Variants in RIMKLB observed in about 807,000 individuals in gnomAD.
The protein encoded by RIMKLB is ribosomal modification protein rimK like family member B.
In RIMKLB, 7 loss-of-function variants were observed where a neutral mutation model predicts 32.0. The observed-to-expected ratio is 0.22, with a 90% CI of 0.12 to 0.41. The LOEUF (loss-of-function observed/expected upper bound fraction) is 0.41. Ranked by LOEUF, RIMKLB falls within the 10% of genes least tolerant of loss-of-function variation. The probability of loss-of-function intolerance (pLI) is 1.00; values close to 1 mark genes in which losing one functional copy is unlikely to be tolerated. For missense variants in RIMKLB, 289 were observed against 498.7 expected (o/e 0.58, Z 4.00); for synonymous variants, 172 against 185.1 (o/e 0.93, Z 0.57).
the RIMKLB span, among the ~76,000 whole-genome samples, chr12:8,674,376 C>A: frequency 6.6e-6 from 1 of 150,558 alleles, no homozygotes; most frequent in African/African-American, 2.5e-5. Context: ...GTAGCTGGGA[C>A]TACAAGTGCC....
chr12:8,753,075 A>G (rs774324559), intron 4 of RIMKLB, among the ~76,000 whole-genome samples: 3 of 152,300 alleles, frequency 2.0e-5, no homozygotes, highest in African/African-American at 7.2e-5. Context: ...ATAAAATGAT[A>G]TATCAGTCTG....
intron 5 of RIMKLB, among the ~76,000 whole-genome samples, chr12:8,763,570 G>C (rs1347286335): frequency 6.6e-6 from 1 of 152,188 alleles, no homozygotes; most frequent in Non-Finnish European, 1.5e-5. Context: ...TACGTTCCTC[G>C]CTGAGCGCCT....
chr12:8,701,086 G>A (rs1943352618), intron 1 of RIMKLB, among the ~76,000 whole-genome samples: 1 of 151,966 alleles, frequency 6.6e-6, no homozygotes, highest in South Asian at 2.1e-4. Context: ...AAAAGAAACT[G>A]TAATACGTTA....
In RIMKLB at chr12:8,773,961, C is replaced by T; in HGVS notation, c.*177C>T. The T allele has an allele frequency of 1.4e-6, 2 of 1,401,080 alleles. No homozygotes were observed. The highest frequency in any genetic ancestry group is 1.8e-6 in the Non-Finnish European group (2 of 1,081,440). The allele number at this position is 1,401,080 out of a possible 1,614,324, so 86.8% of individuals were successfully genotyped here. ...ACCTCTGCTAGTAAGATGTTACTTT[C>T]ATTTACAAATCCTACAAATAGAGAG... On this transcript the variant is annotated 3_prime_UTR_variant, in exon 6 of 6. Transcript: ENST00000535829.
intron 2 of RIMKLB, among the ~76,000 whole-genome samples, chr12:8,727,308 C>T (rs1419861983): frequency 1.3e-5 from 2 of 152,204 alleles, no homozygotes; most frequent in Non-Finnish European, 2.9e-5. Flanking sequence ...GATCTTGGCT[C>T]ACTGCAACCT....
chr12:8,724,404 T>C (rs751536804), intron 2 of RIMKLB, among the ~76,000 whole-genome samples: 59 of 152,358 alleles, frequency 3.9e-4, no homozygotes, highest in African/African-American at 1.4e-3. Context: ...TCATTTACTT[T>C]TGCAGTATGT....
At chr12:8,704,225 A>T (rs1307807757) in intron 1 of RIMKLB, among the ~76,000 whole-genome samples, 1 of 152,134 alleles carries the variant, frequency 6.6e-6, no homozygotes, top group Non-Finnish European at 1.5e-5. Context: ...CTACCAAAAA[A>T]TACAAAAATT....
At chr12:8,675,418 T>G in the RIMKLB span, among the ~76,000 whole-genome samples, 8 of 152,218 alleles carry the variant, frequency 5.3e-5, no homozygotes, top group Non-Finnish European at 1.2e-4. Flanking sequence ...TTCAAGGTTT[T>G]GGCCCGGCCA....
At chr12:8,718,673 G>A (rs974035302) in intron 2 of RIMKLB, among the ~76,000 whole-genome samples, 44 of 81,278 alleles carry the variant, frequency 5.4e-4, no homozygotes, top group South Asian at 8.4e-4. Context: ...ATATATATGT[G>A]TGTGTGTGTG....
intron 2 of RIMKLB, among the ~76,000 whole-genome samples, chr12:8,723,785 A>G (rs1464117941): frequency 7.0e-6 from 1 of 143,010 alleles, no homozygotes; most frequent in Non-Finnish European, 1.5e-5. Context: ...TGTAATTCTC[A>G]TAGGCTTTCT....
rs1239471931 is a variant in RIMKLB at position 8,773,332 on chromosome 12, A to T, written c.709A>T (p.Met237Leu). Residue 237 changes from methionine (M) to leucine (L), a missense_variant, in exon 6 of 6, where the codon ATG becomes TTG. This residue lies in a region of RIMKLB where 156 missense variants were observed against 329.5 expected (regional missense o/e 0.47). Coordinates refer to ENST00000535829, the MANE Select transcript of RIMKLB (RefSeq NM_001297776.2). ...QSNCSLGGVG[M>L]MCSLSEQGKQ... Reference sequence around the variant, plus strand: ...GTTTCTTTTGCCAGGTGGTGTGGGGATGATGTGCTCATTGAGTGAACAAGG... The same window carrying T: ...GTTTCTTTTGCCAGGTGGTGTGGGGTTGATGTGCTCATTGAGTGAACAAGG... 15 of 1,610,288 alleles carry T rather than the reference A, an allele frequency of 9.3e-6. No individual in the cohort carries two copies. The highest frequency in any genetic ancestry group is 1.3e-5 in the Non-Finnish European group (15 of 1,176,712).
chr12:8,747,804 G>A (rs1050660104), intron 2 of RIMKLB, among the ~76,000 whole-genome samples: 2 of 150,856 alleles, frequency 1.3e-5, no homozygotes, highest in Admixed American at 1.3e-4. Flanking sequence ...TGTCCAGGCT[G>A]GAGTGCAGTG....
intron 2 of RIMKLB, among the ~76,000 whole-genome samples, chr12:8,741,398 G>T (rs1215055716): frequency 2.7e-5 from 4 of 149,448 alleles, no homozygotes; most frequent in Non-Finnish European, 4.4e-5. Context: ...AGGAGAATCA[G>T]TTCTTCAATT....
chr12:8,686,159 C>G (rs1942565033), intron 1 of RIMKLB, among the ~76,000 whole-genome samples: 1 of 152,094 alleles, frequency 6.6e-6, no homozygotes, highest in Non-Finnish European at 1.5e-5. Flanking sequence ...CTAGGCTGCT[C>G]TCGAACTCCT....
intron 2 of RIMKLB, among the ~76,000 whole-genome samples, chr12:8,743,449 G>GC (rs1308751343): frequency 6.6e-6 from 1 of 151,452 alleles, no homozygotes; most frequent in Non-Finnish European, 1.5e-5. Flanking sequence ...AAGGAAGGAG[G>GC]CTGCCATTTG....
chr12:8,709,542 A>G (rs2136881222), intron 1 of RIMKLB, among the ~76,000 whole-genome samples: 2 of 152,368 alleles, frequency 1.3e-5, no homozygotes, highest in South Asian at 4.1e-4. Flanking sequence ...ATGTGAATCC[A>G]GTTGGAGCAC....
intron 2 of RIMKLB, among the ~76,000 whole-genome samples, chr12:8,718,625 A>G (rs1429088193): frequency 6.7e-6 from 1 of 149,804 alleles, no homozygotes; most frequent in Non-Finnish European, 1.5e-5. Flanking sequence ...TCTGACAACA[A>G]AGCGAGACTC....
chr12:8,757,470 C>CAAAAAAAAA lies in RIMKLB; in HGVS notation c.697+3388_697+3396dup, dbSNP rs55670138. ...TAGGTGACACAGCAAGACCCTGTCT[C>CAAAAAAAAA]AAAAAAAAAAAAAAAAAAAGTTGTT... is the stretch of plus-strand genomic sequence containing the variant. On this transcript the variant is annotated intron_variant, in intron 5 of 5. Transcript: ENST00000535829. Among the ~76,000 whole-genome samples the CAAAAAAAAA allele has an allele frequency of 1.7e-3, 122 of 71,378 alleles. No individual in the cohort carries two copies. In the East Asian group the frequency reaches 0.018, roughly 11 times the overall value. The allele number at this position is 71,378 out of a possible 152,430, so 46.8% of individuals were successfully genotyped here.
chr12:8,721,093 A>G (rs889260201), intron 2 of RIMKLB, among the ~76,000 whole-genome samples: 2 of 152,204 alleles, frequency 1.3e-5, no homozygotes, highest in African/African-American at 4.8e-5. Flanking sequence ...GTTTAATTGT[A>G]ATGTGTTTTG....
Sources: allele counts gnomAD v4.1 joint callset (sites outside exome capture counted in the v4.1 genomes callset), GRCh38; gene constraint gnomAD v4.1.1; regional missense constraint gnomAD v4.1.1; transcripts MANE v1.5; gene names NCBI Gene and HGNC (gene_info 2026-07-23, HGNC 2026-07-21).